Variants in ITPRID1 observed in about 807,000 individuals in gnomAD.
ITPRID1 encodes ITPR interacting domain containing 1.
ITPRID1 carries 96 observed loss-of-function variants against 95.4 expected under a neutral mutation model. The ratio of observed to expected loss-of-function variants is 1.01; its 90% CI spans 0.85 to 1.19. The LOEUF is 1.19. ITPRID1 is among the 50% of genes most tolerant of loss of function. ITPRID1 has a pLI of 0.00. For missense variants in ITPRID1, 1,339 were observed against 1,252.9 expected, an observed-to-expected ratio of 1.07 and a Z score of -1.04; for synonymous variants, 510 against 453.6, an observed-to-expected ratio of 1.12 and a Z score of -1.58.
At position 31,642,903 on chromosome 7, in the gene ITPRID1, G is replaced by A. The variant is rs2128210199; in HGVS notation, c.1533G>A (p.Met511Ile). The change falls in exon 12 of 15, where the codon ATG becomes ATA. Residue 511 changes from methionine (M) to isoleucine (I), a missense_variant. Met to Ile is a conservative substitution (Grantham distance 10). Coordinates refer to ENST00000615280, the MANE Select transcript of ITPRID1 (RefSeq NM_001257967.3). The part of the protein sequence containing the change: ...VMEEEFLLEA[M>I]EGPPELYIPD... ...AGGAAGAGTTTCTGCTTGAGGCCAT[G>A]GAGGGGCCACCAGAGCTGTATATCC... is the stretch of plus-strand genomic sequence containing the variant. The A allele has an allele frequency of 6.2e-7, 1 of 1,614,018 alleles. No homozygotes were observed. The highest frequency in any genetic ancestry group is 8.5e-7 in the Non-Finnish European group (1 of 1,179,892).
intron 1 of ITPRID1, among the ~76,000 whole-genome samples, chr7:31,524,566 A>G (rs540021156): frequency 6.6e-6 from 1 of 152,226 alleles, no homozygotes; most frequent in Non-Finnish European, 1.5e-5. Context: ...AGGCAATTTC[A>G]GTTTTCTTAT....
intron 1 of ITPRID1, among the ~76,000 whole-genome samples, chr7:31,525,711 A>C (rs1408626708): frequency 6.6e-6 from 1 of 152,172 alleles, no homozygotes; most frequent in African/African-American, 2.4e-5. Flanking sequence ...AATACAATAG[A>C]AGCATTGTTA....
At chr7:31,519,620 C>CTCTCCATATA in intron 1 of ITPRID1, among the ~76,000 whole-genome samples, 2 of 25,254 alleles carry the variant, frequency 7.9e-5, no homozygotes, top group Non-Finnish European at 7.3e-5. Context: ...CTCTCTCTCT[C>CTCTCCATATA]TATATATATA....
At chr7:31,557,590 T>C (rs1784491048) in intron 5 of ITPRID1, among the ~76,000 whole-genome samples, 1 of 152,156 alleles carries the variant, frequency 6.6e-6, no homozygotes, top group African/African-American at 2.4e-5. Context: ...TTAAGCCAGG[T>C]AAAGCCCTTG....
Position 31,655,479 on chromosome 7 carries a change from G to A in ITPRID1, c.*2650G>A, listed in dbSNP as rs1484542742. 1.3e-5 allele frequency among the ~76,000 whole-genome samples: 2 copies of A among 152,084 alleles called. No homozygotes were observed. Among genetic ancestry groups the A allele is most frequent in the African/African-American group, 2.4e-5 (1 of 41,410 alleles). ...GGTTGGGCTCTCTCAGCCACCATGT[G>A]GGTCATATTTGCTGGATCTACAGTG... On this transcript the variant is annotated 3_prime_UTR_variant, in exon 15 of 15. Transcript: ENST00000615280.
chr7:31,553,551 G>A (rs943448799), intron 3 of ITPRID1, among the ~76,000 whole-genome samples: 1 of 152,166 alleles, frequency 6.6e-6, no homozygotes, highest in African/African-American at 2.4e-5. Context: ...GGATCCTGCA[G>A]GAGGCATTGA....
At chr7:31,616,676 G>A (rs940504281) in intron 10 of ITPRID1, among the ~76,000 whole-genome samples, 9 of 152,050 alleles carry the variant, frequency 5.9e-5, no homozygotes, top group African/African-American at 2.2e-4. Flanking sequence ...AGCTTAAAGA[G>A]TAGTTTTCAA....
Position 31,653,103 on chromosome 7 carries a change from G to T in ITPRID1, c.*274G>T. On this transcript the variant is annotated 3_prime_UTR_variant, in exon 15 of 15. Coordinates refer to ENST00000615280, the MANE Select transcript of ITPRID1 (RefSeq NM_001257967.3). Reference sequence around the variant, plus strand: ...CTGCCCTGCTAGAACTTACAGTGTAGTGGGGGAGATAGAATTGCAAACAAA... The same window carrying T: ...CTGCCCTGCTAGAACTTACAGTGTATTGGGGGAGATAGAATTGCAAACAAA... The T allele has an allele frequency of 1.6e-6, 1 of 633,850 alleles. No homozygotes were observed. The highest frequency in any genetic ancestry group is 2.3e-6 in the Non-Finnish European group (1 of 436,036). 39.3% of individuals were successfully genotyped at this position (633,850 alleles called of 1,614,324 possible). A position where few individuals can be genotyped will look rare whatever the true frequency, so the allele number is the denominator to read the frequency against.
intron 10 of ITPRID1, among the ~76,000 whole-genome samples, chr7:31,602,040 G>T (rs11983568): frequency 0.37 from 55,686 of 149,920 alleles, 11,191 homozygotes; most frequent in East Asian, 0.51. Flanking sequence ...ATGATAAGGG[G>T]TTTTTTTTTT....
At chr7:31,518,506 G>A (rs763989761) in intron 1 of ITPRID1, among the ~76,000 whole-genome samples, 2 of 152,172 alleles carry the variant, frequency 1.3e-5, no homozygotes, top group Admixed American at 1.3e-4. Flanking sequence ...CTGAGTGAGA[G>A]ATGGCAGAGT....
At chr7:31,646,466 GA>G (rs960965280) in intron 12 of ITPRID1, among the ~76,000 whole-genome samples, 7 of 151,906 alleles carry the variant, frequency 4.6e-5, no homozygotes, top group African/African-American at 1.7e-4. Flanking sequence ...GGCCCTGGGG[GA>G]AAAGGCACAG....
Position 31,654,108 on chromosome 7 carries a change from T to C in ITPRID1, c.*1279T>C, listed in dbSNP as rs372802803. On this transcript the variant is annotated 3_prime_UTR_variant, in exon 15 of 15. Coordinates refer to ENST00000615280, the MANE Select transcript of ITPRID1 (RefSeq NM_001257967.3). The stretch of plus-strand genomic sequence containing the variant: ...AATAATTACAATCCTGAAAAGAGCC[T>C]CAGAAGACAGTGTGATAATGTTGCA... Among the ~76,000 whole-genome samples the C allele has an allele frequency of 6.8e-5, 10 of 147,512 alleles. No individual in the cohort carries two copies. Among genetic ancestry groups the C allele is most frequent in the Admixed American group, 4.7e-4 (7 of 14,784 alleles).
intron 10 of ITPRID1, among the ~76,000 whole-genome samples, chr7:31,629,823 G>C (rs1274010468): frequency 1.3e-5 from 2 of 152,138 alleles, no homozygotes; most frequent in African/African-American, 2.4e-5. Context: ...AGGAAATAGA[G>C]CATCCATATA....
intron 10 of ITPRID1, among the ~76,000 whole-genome samples, chr7:31,622,948 C>A (rs906584574): frequency 7.9e-5 from 12 of 152,182 alleles, no homozygotes; most frequent in Non-Finnish European, 1.6e-4. Context: ...CACAGAAATA[C>A]AAACTAGCAT....
chr7:31,576,681 CT>C (rs1785194876), intron 8 of ITPRID1, among the ~76,000 whole-genome samples: 1 of 152,156 alleles, frequency 6.6e-6, no homozygotes, highest in South Asian at 2.1e-4. Context: ...GTCAATACTA[CT>C]TCTTGTAGGT....
intron 10 of ITPRID1, among the ~76,000 whole-genome samples, chr7:31,594,169 T>C (rs1456157432): frequency 6.6e-6 from 1 of 152,232 alleles, no homozygotes; most frequent in Non-Finnish European, 1.5e-5. Flanking sequence ...AATAGCATAC[T>C]GTACAGGTTT....
chr7:31,618,351 A>C (rs1467101536), intron 10 of ITPRID1, among the ~76,000 whole-genome samples: 1 of 120,672 alleles, frequency 8.3e-6, no homozygotes, highest in Admixed American at 9.0e-5. Context: ...GTTCTTTGGG[A>C]GGTTCCTCCC....
At chr7:31,530,196 T>C (rs1353236842) in intron 1 of ITPRID1, among the ~76,000 whole-genome samples, 2 of 152,222 alleles carry the variant, frequency 1.3e-5, no homozygotes. Context: ...TGAGGAGTGA[T>C]GCAGAAATTA....
At chr7:31,548,292 C>T (rs1179328271) in intron 1 of ITPRID1, among the ~76,000 whole-genome samples, 3 of 151,996 alleles carry the variant, frequency 2.0e-5, no homozygotes, top group Admixed American at 2.0e-4. Context: ...AAATACCATA[C>T]TAAAATTTTC....
Sources: gnomAD v4.1 joint callset for allele counts (sites outside exome capture counted in the v4.1 genomes callset) on GRCh38, gnomAD v4.1.1 for gene constraint, MANE v1.5 for transcripts, NCBI Gene and HGNC (gene_info 2026-07-23, HGNC 2026-07-21) for gene names.